SRGAP2C: variants seen among roughly 807,000 people sequenced by gnomAD.
The protein encoded by SRGAP2C is SLIT-ROBO Rho GTPase activating protein 2C.
In SRGAP2C, 15 loss-of-function variants were observed where a neutral mutation model predicts 25.1. The observed-to-expected ratio is 0.60, with a 90% confidence interval of 0.40 to 0.92. The LOEUF (loss-of-function observed/expected upper bound fraction) is 0.92. Among genes scored for constraint, SRGAP2C ranks in the 40% least tolerant of loss-of-function variants. SRGAP2C has a pLI of 0.00. For synonymous variants in SRGAP2C, 44 were observed against 96.6 expected, an observed-to-expected ratio of 0.46 and a Z score of 3.19; for missense variants, 144 against 264.4, an observed-to-expected ratio of 0.54 and a Z score of 3.16.
intron 7 of SRGAP2C, among the ~76,000 whole-genome samples, chr1:121,378,724 G>A (rs1240167788): frequency 2.0e-4 from 30 of 152,210 alleles, no homozygotes; most frequent in Middle Eastern, 3.4e-3. Context: ...GTCATGTACA[G>A]CCTTCTGCCT....
intron 3 of SRGAP2C, among the ~76,000 whole-genome samples, chr1:121,291,081 T>C (rs1205524341): frequency 1.5e-5 from 2 of 135,284 alleles, no homozygotes; most frequent in Non-Finnish European, 3.2e-5. Context: ...AGGATGAAGG[T>C]TTTGGGGTAA....
chr1:121,282,780 G>A (rs1422139806), intron 2 of SRGAP2C, among the ~76,000 whole-genome samples: 12 of 143,244 alleles, frequency 8.4e-5, no homozygotes, highest in East Asian at 2.2e-4. Context: ...GGATGGTCTC[G>A]ATCTTCTGAC....
At position 121,292,592 on chromosome 1, in the gene SRGAP2C, G is replaced by C. The variant is rs1437180885; in HGVS notation, c.260+7597G>C. ...ATAGTCTAGGTGTTAGCCATCCAGGGCTGTCAGGCTTCTTATTCCATCCCG... is the reference window on the plus strand; with the variant it reads ...ATAGTCTAGGTGTTAGCCATCCAGGCCTGTCAGGCTTCTTATTCCATCCCG... On this transcript the variant is annotated intron_variant, in intron 3 of 9. Coordinates refer to ENST00000367123, the MANE Select transcript of SRGAP2C (RefSeq NM_001329984.2). 2.5e-5 allele frequency among the ~76,000 whole-genome samples: 2 copies of C among 78,670 alleles called. 1 individual carries two copies. Among genetic ancestry groups the C allele is most frequent in the Non-Finnish European group, 5.0e-5 (2 of 39,776 alleles). The allele number at this position is 78,670 out of a possible 152,430, so 51.6% of individuals were successfully genotyped here. A position where few individuals can be genotyped will look rare whatever the true frequency, so the allele number is the denominator to read the frequency against.
At chr1:121,310,730 G>T (rs1250069371) in intron 3 of SRGAP2C, among the ~76,000 whole-genome samples, 1 of 90,042 alleles carries the variant, frequency 1.1e-5, no homozygotes, top group Non-Finnish European at 2.4e-5. Context: ...AGATCAGATA[G>T]TTGTAGGTAT....
At chr1:121,340,373 A>AG (rs1658623947) in intron 4 of SRGAP2C, among the ~76,000 whole-genome samples, 1 of 151,974 alleles carries the variant, frequency 6.6e-6, no homozygotes, top group African/African-American at 2.4e-5. Context: ...CAGGGACTGA[A>AG]GGAAAAAAAA....
chr1:121,378,894 T>A (rs1263048497), intron 7 of SRGAP2C, among the ~76,000 whole-genome samples: 2 of 152,242 alleles, frequency 1.3e-5, no homozygotes, highest in African/African-American at 2.4e-5. Flanking sequence ...GGAATCCACG[T>A]GAGGCATCTG....
chr1:121,207,809 C>A (rs1242474869), intron 2 of SRGAP2C, among the ~76,000 whole-genome samples: 1 of 151,938 alleles, frequency 6.6e-6, no homozygotes, highest in Non-Finnish European at 1.5e-5. Context: ...TACTTCTCAT[C>A]CAATGTGTTC....
chr1:121,194,377 CAAGAAAA>C (rs1241994701), intron 2 of SRGAP2C, among the ~76,000 whole-genome samples: 72 of 133,108 alleles, frequency 5.4e-4, no homozygotes, highest in African/African-American at 1.9e-3. Flanking sequence ...CCCATCTTTG[CAAGAAAA>C]AAAAACAAAA....
chr1:121,221,534 C>A (rs190937862), intron 2 of SRGAP2C, among the ~76,000 whole-genome samples: 1,937 of 74,762 alleles, frequency 0.026, 576 homozygotes, highest in Non-Finnish European at 0.035. Context: ...CATAGTGAAA[C>A]CTCGTCTCTA....
intron 4 of SRGAP2C, among the ~76,000 whole-genome samples, chr1:121,363,711 A>T (rs1553348996): frequency 6.6e-6 from 1 of 152,188 alleles, no homozygotes; most frequent in Non-Finnish European, 1.5e-5. Context: ...AATGGGAGCT[A>T]CATCAATAGA....
Position 121,391,097 on chromosome 1 carries a change from G to T in SRGAP2C, c.*3242G>T, listed in dbSNP as rs587642707. On this transcript the variant is annotated 3_prime_UTR_variant, in exon 10 of 10. Transcript: ENST00000367123. ...AAATCTGCTGGGCGTGGTGGCTCACGCCTGTAATCCCAGCACTTTGGGAGG... is the reference window on the plus strand; with the variant it reads ...AAATCTGCTGGGCGTGGTGGCTCACTCCTGTAATCCCAGCACTTTGGGAGG... 1.3e-5 allele frequency: 2 copies of T among 151,566 alleles called. No homozygotes were observed. Among genetic ancestry groups the T allele is most frequent in the African/African-American group, 4.8e-5 (2 of 41,310 alleles). The allele number at this position is 151,566 out of a possible 1,614,324, so 9.4% of individuals were successfully genotyped here.
chr1:121,223,346 GGAGTTTGT>G, intron 2 of SRGAP2C, among the ~76,000 whole-genome samples: 1 of 97,252 alleles, frequency 1.0e-5, no homozygotes, highest in Non-Finnish European at 2.0e-5. Flanking sequence ...AATGCTGGGA[GGAGTTTGT>G]GTGTGTGTGT....
intron 2 of SRGAP2C, among the ~76,000 whole-genome samples, chr1:121,188,877 A>T (rs1310135137): frequency 2.3e-5 from 2 of 85,764 alleles, no homozygotes; most frequent in Non-Finnish European, 4.7e-5. Context: ...AAATATTGGT[A>T]GGTTTATTAC....
At chr1:121,237,365 T>C (rs1203323032) in intron 2 of SRGAP2C, among the ~76,000 whole-genome samples, 1 of 152,158 alleles carries the variant, frequency 6.6e-6, no homozygotes, top group South Asian at 2.1e-4. Flanking sequence ...AGCTGTGCTA[T>C]GTGTTCGCTC....
At chr1:121,374,983 G>A (rs782216072) in intron 7 of SRGAP2C, 29 bp downstream of exon 7, 23 of 768,668 alleles carry the variant, frequency 3.0e-5, no homozygotes, top group Non-Finnish European at 4.1e-5. Flanking sequence ...GGGCCTGAGG[G>A]CCCCTCTTTT....
Position 121,211,145 on chromosome 1 carries a change from C to A in SRGAP2C, c.67+23632C>A, listed in dbSNP as rs587649135. 4.0e-5 allele frequency among the ~76,000 whole-genome samples: 6 copies of A among 151,702 alleles called. No individual in the cohort carries two copies. In the South Asian group the frequency reaches 1.0e-3, roughly 26 times the overall value. On this transcript the variant is annotated intron_variant, in intron 2 of 9. Transcript: ENST00000367123. ...CTGAAGGACTCTTCAGCAATTAACA[C>A]CTTGACTCTCTTTTTATGCAACACT...
chr1:121,306,255 C>A (rs1553339412), intron 3 of SRGAP2C, among the ~76,000 whole-genome samples: 5,284 of 135,204 alleles, frequency 0.039, 386 homozygotes, highest in African/African-American at 0.14. Context: ...TCCCTGTAGA[C>A]AGGGAGTGTG....
At chr1:121,287,887 G>A (rs1214623154) in intron 3 of SRGAP2C, among the ~76,000 whole-genome samples, 9 of 152,128 alleles carry the variant, frequency 5.9e-5, no homozygotes, top group East Asian at 5.8e-4. Context: ...CATTCCTCCC[G>A]GTGGGCTTGT....
chr1:121,367,163 AT>A (rs1553349658), intron 5 of SRGAP2C, among the ~76,000 whole-genome samples: 1 of 151,944 alleles, frequency 6.6e-6, no homozygotes, highest in Non-Finnish European at 1.5e-5. Context: ...TGAGTGTGGT[AT>A]CCCCTGCCAT....
Sources: gnomAD v4.1 joint callset for allele counts (sites outside exome capture counted in the v4.1 genomes callset) on GRCh38, gnomAD v4.1.1 for gene constraint, MANE v1.5 for transcripts, NCBI Gene and HGNC (gene_info 2026-07-23, HGNC 2026-07-21) for gene names.